The following LRRN2 variants were observed in gnomAD, a reference collection of about 807,000 sequenced individuals.
The protein encoded by LRRN2 is leucine rich repeat neuronal 2, also known as leucine-rich repeat neuronal protein 2.
LRRN2 carries 10 observed loss-of-function variants against 35.7 expected under a neutral mutation model. The observed-to-expected ratio is 0.28, with a 90% CI of 0.17 to 0.47. LRRN2 has a LOEUF of 0.47. Among genes scored for constraint, LRRN2 ranks in the 20% least tolerant of loss-of-function variants. The probability of loss-of-function intolerance (pLI) is 0.99; values close to 1 mark genes in which losing one functional copy is unlikely to be tolerated. For missense variants in LRRN2, 731 were observed against 940.3 expected (o/e 0.78, Z 2.91); for synonymous variants, 391 against 409.6 (o/e 0.95, Z 0.55).
intron 1 of LRRN2, among the ~76,000 whole-genome samples, chr1:204,673,472 G>A (rs766772263): frequency 4.6e-5 from 7 of 152,160 alleles, no homozygotes; most frequent in South Asian, 2.1e-4. Flanking sequence ...ACTGAGACAC[G>A]TCCAGGGTCA....
chr1:204,640,739 C>T (rs898031340), intron 1 of LRRN2, among the ~76,000 whole-genome samples: 2 of 152,146 alleles, frequency 1.3e-5, no homozygotes, highest in Non-Finnish European at 2.9e-5. Context: ...GTCCCACTGG[C>T]AGAGACTGAG....
intron 1 of LRRN2, among the ~76,000 whole-genome samples, chr1:204,684,696 C>T (rs963464848): frequency 6.6e-6 from 1 of 152,120 alleles, no homozygotes; most frequent in African/African-American, 2.4e-5. Flanking sequence ...CCAGGCTGAG[C>T]CCCAGGCCGG....
At chr1:204,657,209 G>A (rs1228495324) in intron 1 of LRRN2, among the ~76,000 whole-genome samples, 2 of 152,034 alleles carry the variant, frequency 1.3e-5, no homozygotes, top group African/African-American at 4.8e-5. Flanking sequence ...GGAGGCTGAG[G>A]CAGGAGAATC....
intron 1 of LRRN2, among the ~76,000 whole-genome samples, chr1:204,643,002 C>G (rs1012460437): frequency 3.3e-5 from 5 of 152,194 alleles, no homozygotes; most frequent in African/African-American, 7.2e-5. Flanking sequence ...GGCAGCCCAC[C>G]CACACCATGA....
intron 1 of LRRN2, among the ~76,000 whole-genome samples, chr1:204,639,165 G>A (rs1384720414): frequency 6.6e-6 from 1 of 152,250 alleles, no homozygotes; most frequent in Admixed American, 6.5e-5. Context: ...GCAGCCCAGA[G>A]CTGTGCATTC....
rs772163387 is a variant in LRRN2 at position 204,618,567 on chromosome 1, C to T, written c.1426G>A (p.Val476Met). ...AGCTCCAGGGTCCCCTCGGGGTACA[C>T]CCGGTACCTCCTGCCTGCATGGGCA... ...TPAHAGRRYR[V>M]YPEGTLELRR... The change falls in exon 2 of 2, where the codon GTG (valine) becomes ATG (methionine). Residue 476 changes from valine (V) to methionine (M), a missense_variant. By Grantham distance (21) the Val-to-Met change is conservative. Around this residue, in one of 3 missense-constraint regions of LRRN2, gnomAD observed 256 missense variants for 392.4 expected, o/e 0.65. Coordinates refer to ENST00000367177, the MANE Select transcript of LRRN2 (RefSeq NM_201630.2). 5 of 1,613,944 alleles carry T rather than the reference C, an allele frequency of 3.1e-6. No homozygotes were observed. The highest frequency in any genetic ancestry group is 2.2e-5 in the East Asian group (1 of 44,886).
At position 204,638,939 on chromosome 1, in the gene LRRN2, G is replaced by C. The variant is rs1200911223; in HGVS notation, c.-226-18721C>G. Among the ~76,000 whole-genome samples the C allele has an allele frequency of 2.6e-5, 4 of 152,252 alleles. No individual in the cohort carries two copies. The East Asian group carries it at 5.8e-4, about 22-fold the overall frequency. On this transcript the variant is annotated intron_variant, in intron 1 of 1. Transcript: ENST00000367177. Reference sequence around the variant, plus strand: ...TGGGGAAGGGTTTTGGGGGCTCCGTGAGCCTGCTGAATGACCCTGCCCTGA... The same window carrying C: ...TGGGGAAGGGTTTTGGGGGCTCCGTCAGCCTGCTGAATGACCCTGCCCTGA...
chr1:204,685,098 G>C (rs1571692732), intron 1 of LRRN2, among the ~76,000 whole-genome samples: 1 of 152,050 alleles, frequency 6.6e-6, no homozygotes, highest in East Asian at 1.9e-4. Context: ...CCAAGTCTCC[G>C]GCTCCCCCGC....
intron 1 of LRRN2, among the ~76,000 whole-genome samples, chr1:204,648,628 C>A (rs371578661): frequency 6.6e-6 from 1 of 152,190 alleles, no homozygotes; most frequent in Non-Finnish European, 1.5e-5. Context: ...CCTCGCCCCC[C>A]CACCCAACCT....
At chr1:204,657,575 G>C (rs1668387077) in intron 1 of LRRN2, among the ~76,000 whole-genome samples, 1 of 152,148 alleles carries the variant, frequency 6.6e-6, no homozygotes, top group Non-Finnish European at 1.5e-5. Flanking sequence ...CAGGATCTGG[G>C]GGAAGGGGAG....
At chr1:204,652,964 G>A (rs1668267625) in intron 1 of LRRN2, among the ~76,000 whole-genome samples, 3 of 152,208 alleles carry the variant, frequency 2.0e-5, no homozygotes, top group Non-Finnish European at 4.4e-5. Flanking sequence ...GTGGGGGTCT[G>A]TCCCGGGTGC....
chr1:204,657,811 A>C (rs1307276393), intron 1 of LRRN2, among the ~76,000 whole-genome samples: 1 of 152,066 alleles, frequency 6.6e-6, no homozygotes, highest in Admixed American at 6.6e-5. Flanking sequence ...CAACTCTCTG[A>C]GGATATAAAT....
chr1:204,660,776 G>A (rs1279702392), intron 1 of LRRN2, among the ~76,000 whole-genome samples: 1 of 152,172 alleles, frequency 6.6e-6, no homozygotes, highest in Non-Finnish European at 1.5e-5. Flanking sequence ...AAGCAGGCTT[G>A]TTCTGTGCAA....
intron 1 of LRRN2, among the ~76,000 whole-genome samples, chr1:204,652,361 C>CT (rs1307493824): frequency 2.6e-5 from 4 of 151,204 alleles, no homozygotes; most frequent in Admixed American, 2.0e-4. Flanking sequence ...AGCTGGTCAC[C>CT]TCCCAGCGCT....
chr1:204,625,197 A>G (rs938415753), intron 1 of LRRN2, among the ~76,000 whole-genome samples: 9 of 152,208 alleles, frequency 5.9e-5, no homozygotes, highest in Non-Finnish European at 2.9e-5. Context: ...TGGGCAAAGT[A>G]CTTAACCTTT....
chr1:204,623,601 C>T (rs886230640), intron 1 of LRRN2, among the ~76,000 whole-genome samples: 10 of 152,252 alleles, frequency 6.6e-5, no homozygotes, highest in Non-Finnish European at 1.0e-4. Context: ...CTGCCATCAC[C>T]ACCTAAGGCT....
At chr1:204,670,491 A>G (rs1028240385) in intron 1 of LRRN2, among the ~76,000 whole-genome samples, 3 of 152,174 alleles carry the variant, frequency 2.0e-5, no homozygotes, top group African/African-American at 7.2e-5. Context: ...CTCAGAAGAA[A>G]AGACACCAAC....
intron 1 of LRRN2, among the ~76,000 whole-genome samples, chr1:204,658,318 A>C (rs1202783741): frequency 6.6e-6 from 1 of 152,180 alleles, no homozygotes; most frequent in Non-Finnish European, 1.5e-5. Context: ...GGCAGGGCTT[A>C]ACTGAGAGGA....
chr1:204,670,245 G>A (rs117215786), intron 1 of LRRN2, among the ~76,000 whole-genome samples: 1 of 152,116 alleles, frequency 6.6e-6, no homozygotes, highest in Admixed American at 6.5e-5. Context: ...TGGATGTAAG[G>A]CGGTAGAGAA....
Sources: gnomAD v4.1 joint callset for allele counts (sites outside exome capture counted in the v4.1 genomes callset) on GRCh38, gnomAD v4.1.1 for gene constraint, gnomAD v4.1.1 regional missense constraint, MANE v1.5 for transcripts, NCBI Gene and HGNC (gene_info 2026-07-23, HGNC 2026-07-21) for gene names.